Variants in FGFRL1 observed in about 807,000 individuals in gnomAD.
FGFRL1 encodes fibroblast growth factor receptor like 1.
In FGFRL1, 24 loss-of-function variants were observed where a neutral mutation model predicts 36.8. The ratio of observed to expected loss-of-function variants is 0.65; its 90% confidence interval spans 0.47 to 0.92. The LOEUF (loss-of-function observed/expected upper bound fraction) is 0.92. FGFRL1 is among the 40% of genes least tolerant of loss of function. The pLI, the probability that FGFRL1 is intolerant of heterozygous loss-of-function variation, is 0.00. For missense variants in FGFRL1, 785 were observed against 753.4 expected, an observed-to-expected ratio of 1.04 and a Z score of -0.49; for synonymous variants, 422 against 344.1, an observed-to-expected ratio of 1.23 and a Z score of -2.50.
At chr4:1,021,769 C>T (rs1479678008) in intron 2 of FGFRL1, among the ~76,000 whole-genome samples, 2 of 152,144 alleles carry the variant, frequency 1.3e-5, no homozygotes, top group Admixed American at 6.5e-5. Context: ...CCCCTACTGC[C>T]CTTGTCCTTG....
intron 3 of FGFRL1, 71 bp downstream of exon 3, chr4:1,022,546 G>A (rs532616594): frequency 1.1e-5 from 16 of 1,505,522 alleles, no homozygotes; most frequent in Admixed American, 4.0e-5. Flanking sequence ...GAGGGCGGAC[G>A]GGGACACACC....
intron 2 of FGFRL1, among the ~76,000 whole-genome samples, chr4:1,019,138 A>C (rs1716044037): frequency 6.6e-6 from 1 of 151,746 alleles, no homozygotes; most frequent in Non-Finnish European, 1.5e-5. Context: ...GGGGACCCTT[A>C]CCTCACCAAG....
At position 1,025,423 on chromosome 4, in the gene FGFRL1, G is replaced by C; in HGVS notation, c.*76G>C. The C allele has an allele frequency of 6.7e-7, 1 of 1,482,928 alleles. No individual in the cohort carries two copies. Among genetic ancestry groups the C allele is most frequent in the South Asian group, 1.4e-5 (1 of 73,200 alleles). 91.9% of individuals were successfully genotyped at this position (1,482,928 alleles called of 1,614,324 possible). On this transcript the variant is annotated 3_prime_UTR_variant, in exon 7 of 7. Transcript: ENST00000510644. Reference sequence around the variant, plus strand: ...TGGGAGGATGGAGGACGGAGCTGCAGACGAAGGCAGGGGACCCATGGCGAG... The same window carrying C: ...TGGGAGGATGGAGGACGGAGCTGCACACGAAGGCAGGGGACCCATGGCGAG...
chr4:1,019,601 C>T (rs1221746901), intron 2 of FGFRL1, among the ~76,000 whole-genome samples: 1 of 152,202 alleles, frequency 6.6e-6, no homozygotes, highest in Non-Finnish European at 1.5e-5. Flanking sequence ...GCCGCTTCCT[C>T]CCCGGGACAA....
In FGFRL1 at chr4:1,012,477, C is replaced by G. The variant is rs1309564702; in HGVS notation, c.-9C>G. On this transcript the variant is annotated 5_prime_UTR_variant, in exon 2 of 7. Coordinates refer to ENST00000510644, the MANE Select transcript of FGFRL1 (RefSeq NM_001004356.3). ...CGCCCCCAATGTCCCCAGGTCCGGA[C>G]AGGCCGAGATGACGCCGAGCCCCCT... is the stretch of plus-strand genomic sequence containing the variant. 1 of 1,576,286 alleles carries G rather than the reference C, an allele frequency of 6.3e-7. No homozygotes were observed. The highest frequency in any genetic ancestry group is 8.6e-7 in the Non-Finnish European group (1 of 1,165,584).
intron 2 of FGFRL1, among the ~76,000 whole-genome samples, chr4:1,014,176 A>G (rs1715760568): frequency 1.3e-5 from 2 of 152,196 alleles, no homozygotes; most frequent in Admixed American, 6.5e-5. Flanking sequence ...GCTGGGTCAT[A>G]AGTTCTGGAA....
intron 2 of FGFRL1, among the ~76,000 whole-genome samples, chr4:1,018,863 G>T (rs889617237): frequency 6.6e-6 from 1 of 152,140 alleles, no homozygotes; most frequent in Non-Finnish European, 1.5e-5. Flanking sequence ...GTCTTGGGCC[G>T]GCAACAGCAG....
rs1716479203 is a variant in FGFRL1 at position 1,025,623 on chromosome 4, G to C, written c.*276G>C. 1.8e-6 allele frequency: 1 copy of C among 547,614 alleles called. No homozygotes were observed. The highest frequency in any genetic ancestry group is 1.9e-5 in the African/African-American group (1 of 52,640). 33.9% of individuals were successfully genotyped at this position (547,614 alleles called of 1,614,324 possible). ...CACAGATATGCCGCCTGGGCACACA[G>C]ATAAGCTGCCCAAATGCACGCACAC... is the stretch of plus-strand genomic sequence containing the variant. On this transcript the variant is annotated 3_prime_UTR_variant, in exon 7 of 7. Coordinates refer to ENST00000510644, the MANE Select transcript of FGFRL1 (RefSeq NM_001004356.3).
chr4:1,014,468 GC>G lies in FGFRL1; in HGVS notation c.79+1906del, dbSNP rs1376989583. Among the ~76,000 whole-genome samples, 3 of 152,300 alleles carry G rather than the reference GC, an allele frequency of 2.0e-5. No homozygotes were observed. The East Asian group carries it at 5.8e-4, about 29-fold the overall frequency. Reference sequence around the variant, plus strand: ...TGGCCTTGGGGGCCAGCTCTGAGTGGCCTGCCTAGGAGGCCACTCCCCTGTC... The same window carrying G: ...TGGCCTTGGGGGCCAGCTCTGAGTGGCTGCCTAGGAGGCCACTCCCCTGTC... On this transcript the variant is annotated intron_variant, in intron 2 of 6. Transcript: ENST00000510644.
chr4:1,025,372 C>A lies in FGFRL1; in HGVS notation c.*25C>A. On this transcript the variant is annotated 3_prime_UTR_variant, in exon 7 of 7. Transcript: ENST00000510644. ...GACGGCACCGTATCTGCAGTGGGCA[C>A]GGGGGGGCCGGCCAGACAGGCAGAC... The A allele has an allele frequency of 1.3e-6, 2 of 1,518,590 alleles. No individual in the cohort carries two copies. The highest frequency in any genetic ancestry group is 1.3e-5 in the South Asian group (1 of 79,926). The allele number at this position is 1,518,590 out of a possible 1,614,324, so 94.1% of individuals were successfully genotyped here.
intron 2 of FGFRL1, among the ~76,000 whole-genome samples, chr4:1,018,420 G>T (rs1360689271): frequency 6.6e-6 from 1 of 152,206 alleles, no homozygotes; most frequent in Non-Finnish European, 1.5e-5. Context: ...TCCGAGTCTA[G>T]TCCTCCATAC....
At chr4:1,019,211 G>T (rs1011347542) in intron 2 of FGFRL1, among the ~76,000 whole-genome samples, 4 of 152,230 alleles carry the variant, frequency 2.6e-5, no homozygotes, top group Non-Finnish European at 4.4e-5. Context: ...TGTAGCTGGG[G>T]CTTTCAGCCT....
At position 1,011,723 on chromosome 4, in the gene FGFRL1, C is replaced by G. The variant is rs1163098771; in HGVS notation, c.-248C>G. 2.1e-5 allele frequency: 3 copies of G among 143,038 alleles called. No individual in the cohort carries two copies. Among genetic ancestry groups the G allele is most frequent in the Non-Finnish European group, 4.7e-5 (3 of 64,340 alleles). The allele number at this position is 143,038 out of a possible 1,614,324, so 8.9% of individuals were successfully genotyped here. The stretch of plus-strand genomic sequence containing the variant: ...GGATCCCGGCCCCGGCCCCCGGCCC[C>G]GCGGACTCGCCCCCGCCGCCTGCCC... On this transcript the variant is annotated 5_prime_UTR_variant, in exon 1 of 7. Transcript: ENST00000510644.
In FGFRL1 at chr4:1,023,857, G is replaced by C; in HGVS notation, c.474G>C (p.Arg158=). The change falls in exon 5 of 7, where the codon CGG becomes CGC. Residue 158 remains arginine (R), a synonymous_variant. Transcript: ENST00000510644. The surrounding 1 kb of genome is among the most constrained non-coding windows in gnomAD (Gnocchi z 6.0). The part of the protein sequence containing the change: ...RFTQPSKMRR[R]VIARPVGSSV... Reference sequence around the variant, plus strand: ...CACAGCCCTCCAAGATGAGGCGCCGGGTGATCGCACGGCCCGTGGGTAGCT... The same window carrying C: ...CACAGCCCTCCAAGATGAGGCGCCGCGTGATCGCACGGCCCGTGGGTAGCT... The C allele has an allele frequency of 6.3e-7, 1 of 1,579,270 alleles. No individual in the cohort carries two copies. The highest frequency in any genetic ancestry group is 8.6e-7 in the Non-Finnish European group (1 of 1,164,788).
Position 1,023,221 on chromosome 4 carries a change from A to G in FGFRL1, c.353-420A>G, listed in dbSNP as rs1216284887. On this transcript the variant is annotated intron_variant, in intron 3 of 6. Transcript: ENST00000510644. The surrounding 1 kb of genome is among the most constrained non-coding windows in gnomAD (Gnocchi z 6.0). ...CCCTCGGCATTGTGTGGAATGGGAA[A>G]ACTGGCTGTCCCCCACCCCCACCCC... Among the ~76,000 whole-genome samples, 3 of 152,026 alleles carry G rather than the reference A, an allele frequency of 2.0e-5. No homozygotes were observed. Among genetic ancestry groups the G allele is most frequent in the African/African-American group, 7.2e-5 (3 of 41,384 alleles).
rs866840780 is a variant in FGFRL1, at chr4:1,023,408, G to A, written c.353-233G>A. Among the ~76,000 whole-genome samples, 1 of 152,162 alleles carries A rather than the reference G, an allele frequency of 6.6e-6. No homozygotes were observed. The highest frequency in any genetic ancestry group is 1.5e-5 in the Non-Finnish European group (1 of 67,998). On this transcript the variant is annotated intron_variant, in intron 3 of 6. Coordinates refer to ENST00000510644, the MANE Select transcript of FGFRL1 (RefSeq NM_001004356.3). The surrounding 1 kb of genome is among the most constrained non-coding windows in gnomAD (Gnocchi z 6.0). ...ACCCCCCGGAGCCAGAATGGGGGCC[G>A]GCCCTCCAGCCCCACCCGTGCCCAT...
In FGFRL1 at chr4:1,023,395, C is replaced by G. The variant is rs1023815464; in HGVS notation, c.353-246C>G. Reference sequence around the variant, plus strand: ...CCGGGGCCTGCAGACCCCCCGGAGCCAGAATGGGGGCCGGCCCTCCAGCCC... The same window carrying G: ...CCGGGGCCTGCAGACCCCCCGGAGCGAGAATGGGGGCCGGCCCTCCAGCCC... On this transcript the variant is annotated intron_variant, in intron 3 of 6. Transcript: ENST00000510644. This position sits in a 1 kb window ranked among gnomAD's most constrained non-coding sequence, Gnocchi z 6.0. 7.9e-5 allele frequency among the ~76,000 whole-genome samples: 12 copies of G among 152,332 alleles called. No homozygotes were observed. In the Middle Eastern group the frequency reaches 0.01, roughly 130 times the overall value.
At chr4:1,019,073 C>T (rs931005775) in intron 2 of FGFRL1, among the ~76,000 whole-genome samples, 3 of 152,230 alleles carry the variant, frequency 2.0e-5, no homozygotes, top group Non-Finnish European at 2.9e-5. Context: ...TGACCACAGG[C>T]GGGGGTCCCG....
Position 1,022,520 on chromosome 4 carries a change from A to G in FGFRL1, c.352+45A>G, listed in dbSNP as rs768373934. ...AGAGGTCATGGGCTGGGTTGGAGCC[A>G]GGCAGGGGTGTGCAGGAGGGCGGAC... On this transcript the variant is annotated intron_variant, in intron 3 of 6. Coordinates refer to ENST00000510644, the MANE Select transcript of FGFRL1 (RefSeq NM_001004356.3). 7 of 1,545,924 alleles carry G rather than the reference A, an allele frequency of 4.5e-6. No homozygotes were observed. In the African/African-American group the frequency reaches 8.1e-5, roughly 18 times the overall value.
Sources: gnomAD v4.1 joint callset for allele counts (sites outside exome capture counted in the v4.1 genomes callset) on GRCh38, gnomAD v4.1.1 for gene constraint, Gnocchi (gnomAD v3.1) non-coding constraint, MANE v1.5 for transcripts, NCBI Gene and HGNC (gene_info 2026-07-23, HGNC 2026-07-21) for gene names.